Variants in DZANK1 observed in about 807,000 individuals in gnomAD.
DZANK1 encodes double zinc ribbon and ankyrin repeat domains 1.
DZANK1 carries 91 observed loss-of-function variants against 94.5 expected under a neutral mutation model. That is an observed-to-expected ratio of 0.96 (90% CI 0.81 to 1.15). The LOEUF (loss-of-function observed/expected upper bound fraction) is 1.15. Ranked by LOEUF, DZANK1 falls within the 50% of genes most tolerant of loss-of-function variation. The pLI is 0.00. For missense variants in DZANK1, 903 were observed against 916.4 expected (o/e 0.99, Z 0.19); for synonymous variants, 312 against 325.3 (o/e 0.96, Z 0.44).
chr20:18,404,635 CA>C (rs202242541), intron 13 of DZANK1, among the ~76,000 whole-genome samples: 1,852 of 152,166 alleles, frequency 0.012, 20 homozygotes, highest in Non-Finnish European at 0.019. Context: ...GACCCAAACA[CA>C]GGGGAAAAAA....
At position 18,417,016 on chromosome 20, in the gene DZANK1, CAAAAAAACAA is replaced by C. The variant is rs1228396527; in HGVS notation, c.955-1577_955-1568del. Among the ~76,000 whole-genome samples, 8 of 64,674 alleles carry C rather than the reference CAAAAAAACAA, an allele frequency of 1.2e-4. No homozygotes were observed. The East Asian group carries it at 2.1e-3, about 17-fold the overall frequency. The allele number at this position is 64,674 out of a possible 152,430, so 42.4% of individuals were successfully genotyped here. A position where few individuals can be genotyped will look rare whatever the true frequency, so the allele number is the denominator to read the frequency against. ...TTATCTTTCTGGTAGTCTTACTGATCAAAAAAACAAAAAAAAACAAAAAAAAAAAAGAAGA... is the reference window on the plus strand; with the variant it reads ...TTATCTTTCTGGTAGTCTTACTGATCAAAAAAACAAAAAAAAAAAAGAAGA... On this transcript the variant is annotated intron_variant, in intron 10 of 20. Transcript: ENST00000262547.
At chr20:18,406,184 C>T (rs1029796796) in intron 13 of DZANK1, among the ~76,000 whole-genome samples, 3 of 152,210 alleles carry the variant, frequency 2.0e-5, no homozygotes, top group African/African-American at 7.2e-5. Flanking sequence ...GCAGTAAACT[C>T]GGGTGGCACG....
chr20:18,430,288 C>T (rs1428700156), intron 9 of DZANK1, among the ~76,000 whole-genome samples: 3 of 152,096 alleles, frequency 2.0e-5, no homozygotes, highest in African/African-American at 7.2e-5. Context: ...GAGGCTGGGA[C>T]TCACTGAAGG....
intron 10 of DZANK1, among the ~76,000 whole-genome samples, chr20:18,425,241 G>A (rs1033772226): frequency 3.3e-5 from 5 of 152,170 alleles, no homozygotes; most frequent in South Asian, 2.1e-4. Context: ...TAGACTGTCC[G>A]TGATTAGACG....
chr20:18,444,154 G>C (rs1017712773), intron 7 of DZANK1, among the ~76,000 whole-genome samples: 3 of 152,148 alleles, frequency 2.0e-5, no homozygotes, highest in South Asian at 2.1e-4. Flanking sequence ...TCAGCAACTA[G>C]AAGGCTTGGA....
intron 10 of DZANK1, among the ~76,000 whole-genome samples, chr20:18,423,292 C>G (rs1455371099): frequency 6.6e-6 from 1 of 152,158 alleles, no homozygotes; most frequent in South Asian, 2.1e-4. Context: ...GAATGTTTCC[C>G]TGTCATTAAG....
Position 18,441,865 on chromosome 20 carries a change from G to A in DZANK1, c.747+1482C>T, listed in dbSNP as rs2058726381. Among the ~76,000 whole-genome samples the A allele has an allele frequency of 6.6e-6, 1 of 152,240 alleles. No individual in the cohort carries two copies. Among genetic ancestry groups the A allele is most frequent in the Non-Finnish European group, 1.5e-5 (1 of 68,044 alleles). On this transcript the variant is annotated intron_variant, in intron 8 of 20. Transcript: ENST00000262547. This position sits in a 1 kb window ranked among gnomAD's most constrained non-coding sequence, Gnocchi z 4.1. Reference sequence around the variant, plus strand: ...ATCTGGGAAGCTGGCTGGGGTGCCAGTGGAACTGAGAAGCGTCCATGGGAC... The same window carrying A: ...ATCTGGGAAGCTGGCTGGGGTGCCAATGGAACTGAGAAGCGTCCATGGGAC...
At chr20:18,390,229 C>T (rs1242578232) in intron 18 of DZANK1, 150 bp downstream of exon 18, 2 of 712,036 alleles carry the variant, frequency 2.8e-6, no homozygotes, top group Non-Finnish European at 4.8e-6. Context: ...TAATATAAAG[C>T]TTTTGACTAG....
At chr20:18,385,223 CCT>C (rs2048411473) in intron 19 of DZANK1, 133 bp from the exon 20 acceptor site, 2 of 721,104 alleles carry the variant, frequency 2.8e-6, no homozygotes, top group South Asian at 3.4e-5. Flanking sequence ...TCTTGAGTCT[CCT>C]CTCTCTGCCT....
At chr20:18,442,838 G>C in intron 8 of DZANK1, among the ~76,000 whole-genome samples, 1 of 124,026 alleles carries the variant, frequency 8.1e-6, no homozygotes, top group Non-Finnish European at 1.9e-5. Flanking sequence ...AGCAAGCCAA[G>C]TATGTTTTTT....
intron 2 of DZANK1, 27 bp downstream of exon 2, chr20:18,465,223 A>G (rs2059603022): frequency 9.3e-6 from 13 of 1,398,552 alleles, no homozygotes; most frequent in Middle Eastern, 1.8e-4. Context: ...GTTATTTTAA[A>G]CAATTTCAAA....
chr20:18,438,475 T>C (rs1768751981), intron 8 of DZANK1, among the ~76,000 whole-genome samples: 1 of 151,794 alleles, frequency 6.6e-6, no homozygotes. Context: ...ACAAATAGAT[T>C]GAAAGTAAAA....
At position 18,448,964 on chromosome 20, in the gene DZANK1, A is replaced by G. The variant is rs759384057; in HGVS notation, c.629+20T>C. 27 of 1,592,278 alleles carry G rather than the reference A, an allele frequency of 1.7e-5. No homozygotes were observed. The Admixed American group carries it at 2.3e-4, about 14-fold the overall frequency. On this transcript the variant is annotated intron_variant, in intron 7 of 20. Transcript: ENST00000262547. ...ATCTTTGTAGGATTTAAGGCAGAGT[A>G]AAGAGAATGTGATACTTACTTGAGA...
At chr20:18,465,445 C>T in intron 1 of DZANK1, 68 bp from the exon 2 acceptor site, 1 of 502,412 alleles carries the variant, frequency 2.0e-6, no homozygotes, top group Non-Finnish European at 3.2e-6. Context: ...AATTTAAATG[C>T]AGCAAAACTA....
intron 18 of DZANK1, 82 bp from the exon 19 acceptor site, chr20:18,389,910 G>A (rs777294131): frequency 7.2e-5 from 114 of 1,576,778 alleles, no homozygotes; most frequent in Middle Eastern, 7.2e-4. Context: ...AAGTATAACA[G>A]ATGTCCTTTA....
intron 13 of DZANK1, among the ~76,000 whole-genome samples, chr20:18,412,174 T>G (rs1458843736): frequency 6.6e-6 from 1 of 152,204 alleles, no homozygotes; most frequent in Non-Finnish European, 1.5e-5. Context: ...AGGGTCTCAC[T>G]TTGTTGGCCA....
chr20:18,440,931 A>G (rs1217277718), intron 8 of DZANK1, among the ~76,000 whole-genome samples: 1 of 152,178 alleles, frequency 6.6e-6, no homozygotes, highest in Non-Finnish European at 1.5e-5. Flanking sequence ...TAAGTCCCCA[A>G]CATATACAAT....
At chr20:18,403,923 C>T (rs1290861711) in intron 13 of DZANK1, among the ~76,000 whole-genome samples, 1 of 151,572 alleles carries the variant, frequency 6.6e-6, no homozygotes, top group Non-Finnish European at 1.5e-5. Context: ...CCTCAGACTC[C>T]CGAGTAGCTA....
chr20:18,460,397 T>C (rs186547016), intron 2 of DZANK1, 91 bp from the exon 3 acceptor site: 5 of 944,318 alleles, frequency 5.3e-6, no homozygotes, highest in Non-Finnish European at 7.3e-6. Flanking sequence ...TCTAAGTGTG[T>C]GATTTAAGAT....
Sources: gnomAD v4.1 joint callset for allele counts (sites outside exome capture counted in the v4.1 genomes callset) on GRCh38, gnomAD v4.1.1 for gene constraint, Gnocchi (gnomAD v3.1) non-coding constraint, MANE v1.5 for transcripts, NCBI Gene and HGNC (gene_info 2026-07-23, HGNC 2026-07-21) for gene names.